ETV7: variants seen among roughly 807,000 people sequenced by gnomAD.
The protein encoded by ETV7 is ETS variant transcription factor 7, also known as transcription factor ETV7.
A neutral mutation model predicts 39.1 loss-of-function variants in ETV7; 43 were observed. The ratio of observed to expected loss-of-function variants is 1.10; its 90% CI spans 0.86 to 1.42. The LOEUF (loss-of-function observed/expected upper bound fraction) is 1.42. ETV7 is among the 40% of genes most tolerant of loss of function. The probability of loss-of-function intolerance (pLI) is 0.00; values close to 1 mark genes in which losing one functional copy is unlikely to be tolerated. For missense variants in ETV7, 432 were observed against 442.3 expected, an observed-to-expected ratio of 0.98 and a Z score of 0.21; for synonymous variants, 196 against 176.6, an observed-to-expected ratio of 1.11 and a Z score of -0.87.
At chr6:36,365,963 C>G (rs1772697238), downstream of ETV7, among the ~76,000 whole-genome samples, 1 of 152,134 alleles carries the variant, frequency 6.6e-6, no homozygotes, top group Non-Finnish European at 1.5e-5. Flanking sequence ...CCTGAGGTCG[C>G]AAGTTCGATA....
At chr6:36,377,821 A>G (rs1156842087) in intron 2 of ETV7, among the ~76,000 whole-genome samples, 1 of 152,192 alleles carries the variant, frequency 6.6e-6, no homozygotes, top group Non-Finnish European at 1.5e-5. Context: ...CTCTAACGAT[A>G]GTCCTCCCGA....
At chr6:36,360,077 G>A (rs984745009) in intron 7 of ETV7, among the ~76,000 whole-genome samples, 10 of 152,128 alleles carry the variant, frequency 6.6e-5, no homozygotes, top group African/African-American at 2.4e-4. Flanking sequence ...ATTTTTAGTA[G>A]AGACGGAGTT....
In ETV7 at chr6:36,355,897, A is replaced by G. The variant is rs189880567; in HGVS notation, c.909-1210T>C. Among the ~76,000 whole-genome samples, 182 of 152,336 alleles carry G rather than the reference A, an allele frequency of 1.2e-3. 3 individuals carry two copies. The highest frequency in any genetic ancestry group is 1.3e-4 in the Non-Finnish European group (9 of 68,038). On this transcript the variant is annotated intron_variant, in intron 7 of 7. Coordinates refer to the ETV7 transcript ENST00000339796. Reference sequence around the variant, plus strand: ...TTCCCTCTGATTCATCCCAGAACAAAGGACGTCTTAAAAACCTCTCATTAC... The same window carrying G: ...TTCCCTCTGATTCATCCCAGAACAAGGGACGTCTTAAAAACCTCTCATTAC...
At chr6:36,362,576 G>C (rs1017183993), downstream of ETV7, among the ~76,000 whole-genome samples, 2 of 152,210 alleles carry the variant, frequency 1.3e-5, no homozygotes, top group Non-Finnish European at 2.9e-5. Flanking sequence ...CTGGTGCCCG[G>C]TACAGAGCAG....
intron 7 of ETV7, among the ~76,000 whole-genome samples, chr6:36,360,777 A>T (rs1772467994): frequency 6.6e-6 from 1 of 152,210 alleles, no homozygotes; most frequent in South Asian, 2.1e-4. Context: ...CTCAAGGATC[A>T]GAAGGCCCAC....
intron 7 of ETV7, among the ~76,000 whole-genome samples, chr6:36,359,315 G>A (rs1772415808): frequency 1.3e-5 from 2 of 152,102 alleles, no homozygotes; most frequent in African/African-American, 2.4e-5. Flanking sequence ...GCCAGGTGTG[G>A]TGGTGCACGC....
intron 2 of ETV7, among the ~76,000 whole-genome samples, chr6:36,379,216 C>T (rs1397053538): frequency 6.6e-6 from 1 of 152,212 alleles, no homozygotes; most frequent in Non-Finnish European, 1.5e-5. Flanking sequence ...CCCTAGTTCA[C>T]CATATTGGAG....
At chr6:36,363,466 A>AGTCATTCATTCCTCCCGGTGGG (rs1297447311), downstream of ETV7, among the ~76,000 whole-genome samples, 1 of 151,070 alleles carries the variant, frequency 6.6e-6, no homozygotes, top group African/African-American at 2.4e-5. Flanking sequence ...GCACATCTGG[A>AGTCATTCATTCCTCCCGGTGGG]GTCATTCATT....
chr6:36,373,601 G>GGGGGGGGGGC, intron 3 of ETV7, 23 bp from the exon 4 acceptor site: 18 of 475,588 alleles, frequency 3.8e-5, no homozygotes, highest in Non-Finnish European at 5.6e-5. Flanking sequence ...GGGAGGGAGG[G>GGGGGGGGGGC]CAGGCTGCTG....
chr6:36,373,437 C>G lies in ETV7; in HGVS notation c.433+16G>C. On this transcript the variant is annotated intron_variant, in intron 4 of 7. Coordinates refer to ENST00000340181, the MANE Select transcript of ETV7 (RefSeq NM_016135.4). ...TTTGAGGGAGGTACTCCGAGCACCACAGAGAGCTTCCTCACCTTCCGGGGG... is the reference window on the plus strand; with the variant it reads ...TTTGAGGGAGGTACTCCGAGCACCAGAGAGAGCTTCCTCACCTTCCGGGGG... 4 of 1,541,646 alleles carry G rather than the reference C, an allele frequency of 2.6e-6. No homozygotes were observed. The highest frequency in any genetic ancestry group is 3.5e-6 in the Non-Finnish European group (4 of 1,148,578).
chr6:36,371,200 C>T (rs1225649699), intron 5 of ETV7, 130 bp downstream of exon 5: 6 of 927,050 alleles, frequency 6.5e-6, no homozygotes, highest in Admixed American at 4.0e-5. Flanking sequence ...GGACAGTCAA[C>T]GCTACCCTGC....
intron 7 of ETV7, among the ~76,000 whole-genome samples, chr6:36,356,336 A>AC (rs1354817573): frequency 6.0e-5 from 9 of 151,024 alleles, no homozygotes; most frequent in African/African-American, 2.0e-4. Context: ...AAAAAAAAAA[A>AC]AAACAAAAAA....
Position 36,376,078 on chromosome 6 carries a change from T to C in ETV7, c.143-43A>G, listed in dbSNP as rs778984169. 2.5e-5 allele frequency: 39 copies of C among 1,555,242 alleles called. No individual in the cohort carries two copies. In the Admixed American group the frequency reaches 5.2e-4, roughly 21 times the overall value. Reference sequence around the variant, plus strand: ...CAGTCCCATCACTCCCCGTCGGGCCTCCTCAAAGAAGCCCACCCTGAACAC... The same window carrying C: ...CAGTCCCATCACTCCCCGTCGGGCCCCCTCAAAGAAGCCCACCCTGAACAC... On this transcript the variant is annotated intron_variant, in intron 2 of 7. Coordinates refer to ENST00000340181, the MANE Select transcript of ETV7 (RefSeq NM_016135.4).
Position 36,385,639 on chromosome 6 carries a change from G to T in ETV7, c.37C>A (p.Pro13Thr). ...EGELAISPIS[P>T]VAAMPPLGTH... Reference sequence around the variant, plus strand: ...CCTAGGGGAGGCATGGCTGCCACAGGGCTTATAGGAGAAATAGCCAATTCT... The same window carrying T: ...CCTAGGGGAGGCATGGCTGCCACAGTGCTTATAGGAGAAATAGCCAATTCT... The change falls in exon 2 of 8, where the codon CCT becomes ACT. Residue 13 changes from proline (P) to threonine (T), a missense_variant. Coordinates refer to ENST00000340181, the MANE Select transcript of ETV7 (RefSeq NM_016135.4). 1.9e-6 allele frequency: 3 copies of T among 1,613,486 alleles called. No homozygotes were observed. Among genetic ancestry groups the T allele is most frequent in the Non-Finnish European group, 2.5e-6 (3 of 1,179,740 alleles).
At chr6:36,357,704 C>G (rs182875659) in intron 7 of ETV7, among the ~76,000 whole-genome samples, 15 of 152,150 alleles carry the variant, frequency 9.9e-5, no homozygotes, top group Admixed American at 8.5e-4. Flanking sequence ...TGGAAAAACC[C>G]TATCTCTACT....
At chr6:36,380,826 G>T (rs1773614280) in intron 2 of ETV7, among the ~76,000 whole-genome samples, 1 of 152,096 alleles carries the variant, frequency 6.6e-6, no homozygotes, top group Admixed American at 6.5e-5. Flanking sequence ...AAGCAGTGTG[G>T]GGTCACCCCC....
intron 7 of ETV7, among the ~76,000 whole-genome samples, chr6:36,355,710 G>C (rs891904056): frequency 6.6e-6 from 1 of 152,236 alleles, no homozygotes; most frequent in Non-Finnish European, 1.5e-5. Flanking sequence ...ACCGCACCCA[G>C]CCCATAAGCT....
At position 36,369,635 on chromosome 6, in the gene ETV7, C is replaced by T. The variant is rs74994931; in HGVS notation, c.665-564G>A. Among the ~76,000 whole-genome samples, 1,423 of 152,356 alleles carry T rather than the reference C, an allele frequency of 9.3e-3. 9 individuals are homozygous for T. The highest frequency in any genetic ancestry group is 0.025 in the South Asian group (121 of 4,832). On this transcript the variant is annotated intron_variant, in intron 5 of 7. Coordinates refer to ENST00000340181, the MANE Select transcript of ETV7 (RefSeq NM_016135.4). The stretch of plus-strand genomic sequence containing the variant: ...CCAGGACCTGGGCCTGTCGGCTGGG[C>T]CATTGCAGGCAAGTTACACAACCTT...
At chr6:36,383,825 G>A (rs1183901261) in intron 2 of ETV7, among the ~76,000 whole-genome samples, 2 of 152,204 alleles carry the variant, frequency 1.3e-5, no homozygotes, top group Admixed American at 6.5e-5. Flanking sequence ...TATGAGTCAT[G>A]GAATCTAAGA....
Sources: allele counts gnomAD v4.1 joint callset (sites outside exome capture counted in the v4.1 genomes callset), GRCh38; gene constraint gnomAD v4.1.1; transcripts MANE v1.5; gene names NCBI Gene and HGNC (gene_info 2026-07-23, HGNC 2026-07-21).